The following CTPS1 variants were observed in gnomAD, a reference collection of about 807,000 sequenced individuals.
The protein encoded by CTPS1 is CTP synthase 1.
Under a neutral mutation model 80.5 loss-of-function variants are expected in CTPS1, and 25 were observed. The ratio of observed to expected loss-of-function variants is 0.31; its 90% CI spans 0.23 to 0.43. CTPS1 has a LOEUF of 0.43. CTPS1 is among the 20% of genes least tolerant of loss of function. The pLI, the probability that CTPS1 is intolerant of heterozygous loss-of-function variation, is 1.00. For missense variants in CTPS1, 442 were observed against 725.7 expected (o/e 0.61, Z 4.49); for synonymous variants, 267 against 252.5 (o/e 1.06, Z -0.54).
chr1:40,984,271 T>C (rs1642396641), intron 2 of CTPS1, among the ~76,000 whole-genome samples: 1 of 152,230 alleles, frequency 6.6e-6, no homozygotes, highest in Non-Finnish European at 1.5e-5. Context: ...TGAATCATTC[T>C]GGGCAAAATT....
chr1:41,000,904 A>G (rs1036986811), intron 9 of CTPS1, 125 bp from the exon 10 acceptor site: 3 of 543,404 alleles, frequency 5.5e-6, no homozygotes, highest in Admixed American at 7.5e-5. Context: ...CAGTATTAAG[A>G]TGATCACTTT....
chr1:41,009,524 C>T lies in CTPS1; in HGVS notation c.1626C>T (p.Gly542=). 1.2e-6 allele frequency: 2 copies of T among 1,614,074 alleles called. No homozygotes were observed. Among genetic ancestry groups the T allele is most frequent in the Non-Finnish European group, 1.7e-6 (2 of 1,179,996 alleles). Residue 542 remains glycine (G), a synonymous_variant, in exon 17 of 19, where the codon GGC becomes GGT. Coordinates refer to ENST00000650070, the MANE Select transcript of CTPS1 (RefSeq NM_001905.4). ...RPIKPSPPYF[G]LLLASVGRLS... is the part of the protein sequence containing the mutation. ...TCAAGCCCTCCCCACCATACTTTGG[C>T]CTCCTCCTGGCCTCTGTGGGGCGGC...
intron 5 of CTPS1, among the ~76,000 whole-genome samples, chr1:40,988,916 C>G (rs972104471): frequency 6.6e-6 from 1 of 152,154 alleles, no homozygotes; most frequent in African/African-American, 2.4e-5. Context: ...AGGGCAGTTG[C>G]ATTTGCAGAT....
At chr1:41,000,992 C>T (rs771934104) in intron 9 of CTPS1, 37 bp from the exon 10 acceptor site, 14 of 1,469,390 alleles carry the variant, frequency 9.5e-6, no homozygotes, top group South Asian at 2.5e-5. Flanking sequence ...CCTGGGGTCA[C>T]GAGCCTGCTT....
intron 7 of CTPS1, among the ~76,000 whole-genome samples, chr1:40,995,215 AATTATT>A (rs1211721360): frequency 6.6e-6 from 1 of 151,914 alleles, no homozygotes; most frequent in Non-Finnish European, 1.5e-5. Flanking sequence ...TTGGATCATG[AATTATT>A]ATTATTATTA....
At chr1:41,005,630 G>A (rs1372526879) in intron 12 of CTPS1, among the ~76,000 whole-genome samples, 1 of 152,136 alleles carries the variant, frequency 6.6e-6, no homozygotes, top group Non-Finnish European at 1.5e-5. Context: ...ATTTATTGCC[G>A]GTCTGGTGGC....
intron 18 of CTPS1, among the ~76,000 whole-genome samples, chr1:41,011,149 G>GT (rs1643162416): frequency 6.6e-6 from 1 of 152,218 alleles, no homozygotes; most frequent in Admixed American, 6.5e-5. Flanking sequence ...GCCTTGGTTG[G>GT]TTGACCCCCT....
Position 41,010,162 on chromosome 1 carries a change from G to A in CTPS1, c.1693G>A (p.Asp565Asn), listed in dbSNP as rs762727625. The change falls in exon 18 of 19, where the codon GAC (aspartate) becomes AAC (asparagine). Residue 565 changes from aspartate to asparagine, a missense_variant and splice_region_variant. By Grantham distance (23) the Asp-to-Asn change is conservative. Around this residue, in one of 4 missense-constraint regions of CTPS1, gnomAD observed 321 missense variants for 467.2 expected, o/e 0.69. Coordinates refer to ENST00000650070, the MANE Select transcript of CTPS1 (RefSeq NM_001905.4). Reference protein sequence around the residue: ...LQKGCRLSPRDTYSDRSGSSS... With the variant: ...LQKGCRLSPRNTYSDRSGSSS... ...GCGTAAACCATCTGAATTCTACAGGGACACCTATAGTGACAGGAGTGGAAG... is the reference window on the plus strand; with the variant it reads ...GCGTAAACCATCTGAATTCTACAGGAACACCTATAGTGACAGGAGTGGAAG... The A allele has an allele frequency of 6.2e-7, 1 of 1,611,302 alleles. No individual in the cohort carries two copies. Among genetic ancestry groups the A allele is most frequent in the Non-Finnish European group, 8.5e-7 (1 of 1,177,660 alleles).
intron 11 of CTPS1, 87 bp downstream of exon 11, chr1:41,002,341 G>T (rs1642923115): frequency 1.9e-6 from 2 of 1,046,680 alleles, no homozygotes; most frequent in African/African-American, 1.6e-5. Flanking sequence ...CAAAGTGGGG[G>T]GATTACTGAA....
In CTPS1 at chr1:40,991,791, TG is replaced by T; in HGVS notation, c.667del (p.Asp223ThrfsTer4). On this transcript the variant is annotated frameshift_variant, in exon 7 of 19. Transcript: ENST00000650070. LOFTEE classifies it high-confidence loss of function. ...TTGTATGCAGGTGCTCAAATCCACT[TG>T]ACACATCAGTGAAGGAGAAAATATC... Reference protein sequence around the residue: ...LVVCRCSNPLDTSVKEKISMF... With the variant: ...LVVCRCSNPLXTSVKEKISMF... 6.2e-7 allele frequency: 1 copy of T among 1,614,064 alleles called. No homozygotes were observed. Among genetic ancestry groups the T allele is most frequent in the Non-Finnish European group, 8.5e-7 (1 of 1,179,914 alleles).
chr1:40,987,550 C>T (rs1167674234), intron 4 of CTPS1, 78 bp downstream of exon 4: 10 of 1,046,460 alleles, frequency 9.6e-6, no homozygotes, highest in East Asian at 2.5e-5. Flanking sequence ...AGACAGTTCC[C>T]AGTGGAGCCC....
At chr1:40,989,569 A>G (rs1364853309) in intron 5 of CTPS1, among the ~76,000 whole-genome samples, 1 of 152,156 alleles carries the variant, frequency 6.6e-6, no homozygotes, top group African/African-American at 2.4e-5. Flanking sequence ...ACACTCACAC[A>G]TAACTTATAG....
intron 5 of CTPS1, among the ~76,000 whole-genome samples, chr1:40,990,959 T>C (rs1353583073): frequency 1.3e-5 from 2 of 151,996 alleles, no homozygotes; most frequent in African/African-American, 4.8e-5. Flanking sequence ...GGAGAGTGGG[T>C]GAGGGCCGAT....
At position 40,984,802 on chromosome 1, in the gene CTPS1, G is replaced by A. The variant is rs372087700; in HGVS notation, c.167-19G>A. 4.0e-6 allele frequency: 6 copies of A among 1,491,982 alleles called. No homozygotes were observed. In the South Asian group the frequency reaches 6.8e-5, roughly 17 times the overall value. The allele number at this position is 1,491,982 out of a possible 1,614,324, so 92.4% of individuals were successfully genotyped here. A position where few individuals can be genotyped will look rare whatever the true frequency, so the allele number is the denominator to read the frequency against. On this transcript the variant is annotated intron_variant, in intron 2 of 18. Coordinates refer to ENST00000650070, the MANE Select transcript of CTPS1 (RefSeq NM_001905.4). ...AGGTATTTTTCACTTAACGTAAATG[G>A]TTTCTCTGTTCACTGCAGGTGAGGT...
chr1:41,003,665 T>C (rs67460888), intron 12 of CTPS1, among the ~76,000 whole-genome samples: 16,484 of 152,268 alleles, frequency 0.11, 1,275 homozygotes, highest in East Asian at 0.27. Context: ...TTAAGGGAGA[T>C]AATGTATGTA....
chr1:40,982,085 C>T, intron 1 of CTPS1: 3 of 1,017,604 alleles, frequency 2.9e-6, no homozygotes, highest in Non-Finnish European at 4.0e-6. Context: ...ACCTCTGAAG[C>T]TGGGGACCAG....
At chr1:40,980,137 C>T (rs1651797390) in intron 1 of CTPS1, 1 of 151,378 alleles carries the variant, frequency 6.6e-6, no homozygotes. Flanking sequence ...CGCGCTGGGC[C>T]GCGCCGAATC....
chr1:40,979,897 G>T (rs1651775293), intron 1 of CTPS1, 68 bp downstream of exon 1: 1 of 152,218 alleles, frequency 6.6e-6, no homozygotes, highest in Non-Finnish European at 1.5e-5. Flanking sequence ...CGCGAGCTGA[G>T]CCCGGCGCCG....
intron 13 of CTPS1, 116 bp downstream of exon 13, chr1:41,006,210 C>T: frequency 1.1e-6 from 1 of 888,530 alleles, no homozygotes; most frequent in African/African-American, 1.7e-5. Context: ...CCCAAAGAAC[C>T]CTGAGGTTTT....
Sources: allele counts gnomAD v4.1 joint callset (sites outside exome capture counted in the v4.1 genomes callset), GRCh38; gene constraint gnomAD v4.1.1; regional missense constraint gnomAD v4.1.1; transcripts MANE v1.5; gene names NCBI Gene and HGNC (gene_info 2026-07-23, HGNC 2026-07-21).